The following ALPI variants were observed in gnomAD, a reference collection of about 807,000 sequenced individuals.
The protein encoded by ALPI is intestinal-type alkaline phosphatase.
ALPI carries 50 observed loss-of-function variants against 51.5 expected under a neutral mutation model. That is an observed-to-expected ratio of 0.97 (90% CI 0.77 to 1.23). The LOEUF (loss-of-function observed/expected upper bound fraction) is 1.23, where lower values mean the gene tolerates loss of function less well. ALPI is among the 50% of genes most tolerant of loss of function. ALPI has a pLI of 0.00. For synonymous variants in ALPI, 322 were observed against 308.2 expected (o/e 1.04, Z -0.47); for missense variants, 692 against 722.4 (o/e 0.96, Z 0.48).
chr2:232,457,220 A>G lies in ALPI; in HGVS notation c.546A>G (p.Thr182=), dbSNP rs1429986640. ...CGCCAGCCGGCACCTACGCACACAC[A>G]GTGAACCGCAACTGGTACTCAGATG... ...HASPAGTYAH[T]VNRNWYSDAD... The change falls in exon 5 of 11, where the codon ACA becomes ACG. Residue 182 remains threonine, a synonymous_variant. Transcript: ENST00000295463. The surrounding 1 kb of genome is among the most constrained non-coding windows in gnomAD (Gnocchi z 4.7). The G allele has an allele frequency of 1.2e-6, 2 of 1,613,416 alleles. No homozygotes were observed. The highest frequency in any genetic ancestry group is 2.7e-5 in the African/African-American group (2 of 74,944).
chr2:232,457,729 C>CGGCAGGG lies in ALPI; in HGVS notation c.783+33_783+39dup. 1 of 1,610,068 alleles carries CGGCAGGG rather than the reference C, an allele frequency of 6.2e-7. No individual in the cohort carries two copies. Among genetic ancestry groups the CGGCAGGG allele is most frequent in the Non-Finnish European group, 8.5e-7 (1 of 1,177,482 alleles). ...TGGGGGCTGGTGGGTGTGGGAGGCA[C>CGGCAGGG]GGCAGGGGGAGGCCAAGTGTGTGGG... is the stretch of plus-strand genomic sequence containing the variant. On this transcript the variant is annotated intron_variant, in intron 6 of 10. Transcript: ENST00000295463. The surrounding 1 kb of genome is among the most constrained non-coding windows in gnomAD (Gnocchi z 4.7).
In ALPI at chr2:232,458,939, G is replaced by C. The variant is rs1051315862; in HGVS notation, c.1380G>C (p.Ala460=). The C allele has an allele frequency of 1.9e-6, 3 of 1,604,908 alleles. No individual in the cohort carries two copies. Among genetic ancestry groups the C allele is most frequent in the African/African-American group, 2.7e-5 (2 of 74,688 alleles). The change falls in exon 11 of 11, where the codon GCG becomes GCC. Residue 460 remains alanine (A), a synonymous_variant. Transcript: ENST00000295463. ...THGGEDVAVF[A]RGPQAHLVHG... is the part of the protein sequence containing the mutation. ...GAGGCGAAGACGTGGCGGTGTTTGC[G>C]CGCGGCCCGCAGGCGCACCTGGTGC...
chr2:232,458,873 C>T lies in ALPI; in HGVS notation c.1314C>T (p.Tyr438=). The T allele has an allele frequency of 6.2e-7, 1 of 1,610,428 alleles. No individual in the cohort carries two copies. The highest frequency in any genetic ancestry group is 8.5e-7 in the Non-Finnish European group (1 of 1,178,884). ...CCCTCCTACCAGGGAGCCCCGATTA[C>T]CAGCAGCAGGCGGCGGTGCCCCTGT... The part of the protein sequence containing the change: ...VNESESGSPD[Y]QQQAAVPLSS... Residue 438 remains tyrosine (Y), a synonymous_variant, in exon 11 of 11, where the codon TAC becomes TAT. Transcript: ENST00000295463.
Position 232,456,735 on chromosome 2 carries a change from G to T in ALPI, c.300+40G>T. 6.4e-7 allele frequency: 1 copy of T among 1,562,616 alleles called. No homozygotes were observed. ...ACCTCAGAGTCCTCCAAGCAGAGGA[G>T]AGGGATCAAGGATATGGAGTGTGGC... On this transcript the variant is annotated intron_variant, in intron 3 of 10. Transcript: ENST00000295463. The surrounding 1 kb of genome is among the most constrained non-coding windows in gnomAD (Gnocchi z 4.2).
rs61736995 is a variant in ALPI, at chr2:232,456,257, G to T, written c.58G>T (p.Val20Phe). 3.1e-6 allele frequency: 5 copies of T among 1,613,978 alleles called. No individual in the cohort carries two copies. Among genetic ancestry groups the T allele is most frequent in the Middle Eastern group, 1.7e-4 (1 of 6,036 alleles). The change falls in exon 1 of 11, where the codon GTC becomes TTC. Residue 20 changes from valine (V) to phenylalanine (F), a missense_variant. Val to Phe is a conservative substitution (Grantham distance 50). Transcript: ENST00000295463. The surrounding 1 kb of genome is among the most constrained non-coding windows in gnomAD (Gnocchi z 4.2). ...LGLRLQLSLG[V>F]IPAEEENPAF... ...CCTGAGGCTACAGCTCTCCCTGGGC[G>T]TCATCCCAGGTAATGAGGCTCCCCA...
In ALPI at chr2:232,458,056, C is replaced by A. The variant is rs1196107154; in HGVS notation, c.915C>A (p.Pro305=). ...YEIHRDPTLD[P]SLMEMTEAAL... ...TCCACCGAGACCCCACACTGGACCC[C>A]TCCCTGATGGAGATGACAGAGGCTG... Residue 305 remains proline (P), a synonymous_variant, in exon 8 of 11, where the codon CCC becomes CCA. Transcript: ENST00000295463. 3 of 1,613,954 alleles carry A rather than the reference C, an allele frequency of 1.9e-6. No homozygotes were observed. The highest frequency in any genetic ancestry group is 1.7e-5 in the Admixed American group (1 of 60,004).
At position 232,459,025 on chromosome 2, in the gene ALPI, C is replaced by T. The variant is rs541680443; in HGVS notation, c.1466C>T (p.Pro489Leu). 1.9e-6 allele frequency: 3 copies of T among 1,558,772 alleles called. No individual in the cohort carries two copies. Among genetic ancestry groups the T allele is most frequent in the Non-Finnish European group, 2.6e-6 (3 of 1,151,908 alleles). ...HVMAFAACLE[P>L]YTACDLAPPA... is the part of the protein sequence containing the mutation. ...ATGGCCTTCGCTGCCTGTCTGGAGC[C>T]CTACACGGCCTGCGACCTGGCGCCT... The change falls in exon 11 of 11, where the codon CCC becomes CTC. Residue 489 changes from proline (P) to leucine (L), a missense_variant. Pro to Leu is a moderately conservative substitution (Grantham distance 98). Transcript: ENST00000295463.
Position 232,459,137 on chromosome 2 carries a change from T to C in ALPI, c.1578T>C (p.Ala526=). The C allele has an allele frequency of 6.5e-7, 1 of 1,532,014 alleles. No individual in the cohort carries two copies. The highest frequency in any genetic ancestry group is 2.4e-5 in the East Asian group (1 of 40,842). 94.9% of individuals were successfully genotyped at this position (1,532,014 alleles called of 1,614,324 possible). A position where few individuals can be genotyped will look rare whatever the true frequency, so the allele number is the denominator to read the frequency against. Residue 526 remains alanine (A), a synonymous_variant, in exon 11 of 11, where the codon GCT becomes GCC. Transcript: ENST00000295463. ...CCCTGCTGCTGCTGGGGGCGTCCGC[T>C]GCTCCCTGAGTGCCCCACTCCGGAG... ...AGTLLLLGAS[A]AP
chr2:232,459,294 C>A lies in ALPI; in HGVS notation c.*148C>A. On this transcript the variant is annotated 3_prime_UTR_variant, in exon 11 of 11. Coordinates refer to ENST00000295463, the MANE Select transcript of ALPI (RefSeq NM_001631.5). ...GATAAACCAGCCTCAGCTGGCGCAG[C>A]GGGGCCCTTCTTCCCTCCGCATCCC... 1 of 1,144,774 alleles carries A rather than the reference C, an allele frequency of 8.7e-7. No individual in the cohort carries two copies. Among genetic ancestry groups the A allele is most frequent in the Non-Finnish European group, 1.2e-6 (1 of 835,294 alleles). 70.9% of individuals were successfully genotyped at this position (1,144,774 alleles called of 1,614,324 possible). A position where few individuals can be genotyped will look rare whatever the true frequency, so the allele number is the denominator to read the frequency against.
chr2:232,456,278 C>A lies in ALPI; in HGVS notation c.67+12C>A, dbSNP rs1403022350. 1 of 1,614,088 alleles carries A rather than the reference C, an allele frequency of 6.2e-7. No homozygotes were observed. The highest frequency in any genetic ancestry group is 2.2e-5 in the East Asian group (1 of 44,858). ...GGGCGTCATCCCAGGTAATGAGGCT[C>A]CCCAAGCTGTTCCACACACAGGGCA... is the stretch of plus-strand genomic sequence containing the variant. On this transcript the variant is annotated intron_variant, in intron 1 of 10. Coordinates refer to ENST00000295463, the MANE Select transcript of ALPI (RefSeq NM_001631.5). The surrounding 1 kb of genome is among the most constrained non-coding windows in gnomAD (Gnocchi z 4.2).
rs1400988473 is a variant in ALPI at position 232,460,093 on chromosome 2, G to GATACTGGATACTGGAGATAAC, written c.*947_*948insATACTGGATACTGGAGATAAC. The GATACTGGATACTGGAGATAAC allele has an allele frequency of 6.6e-6, 1 of 152,426 alleles. No homozygotes were observed. The highest frequency in any genetic ancestry group is 3.1e-3 in the Middle Eastern group (1 of 318). 9.4% of individuals were successfully genotyped at this position (152,426 alleles called of 1,614,324 possible). ...GAGTGTGGGCACAGTATCTGGAGAG[G>GATACTGGATACTGGAGATAAC]TGGATAACGCAGGCCAGGAGGTACT... is the stretch of plus-strand genomic sequence containing the variant. On this transcript the variant is annotated 3_prime_UTR_variant, in exon 11 of 11. Transcript: ENST00000295463.
chr2:232,457,654 G>A lies in ALPI; in HGVS notation c.738G>A (p.Arg246=). The A allele has an allele frequency of 6.2e-7, 1 of 1,614,002 alleles. No homozygotes were observed. The highest frequency in any genetic ancestry group is 8.5e-7 in the Non-Finnish European group (1 of 1,179,900). ...YPADASQNGI[R]LDGKNLVQEW... ...CTGATGCCAGCCAGAATGGAATCAG[G>A]CTGGACGGGAAGAACCTGGTGCAGG... is the stretch of plus-strand genomic sequence containing the variant. Residue 246 remains arginine, a synonymous_variant, in exon 6 of 11, where the codon AGG becomes AGA. Transcript: ENST00000295463. The surrounding 1 kb of genome is among the most constrained non-coding windows in gnomAD (Gnocchi z 4.7).
intron 9 of ALPI, 25 bp from the exon 10 acceptor site, chr2:232,458,607 T>C (rs1376529384): frequency 1.9e-6 from 3 of 1,609,188 alleles, no homozygotes; most frequent in Admixed American, 1.7e-5. Context: ...TCAGCTCAAC[T>C]ACAGGGACCC....
chr2:232,457,557 G>A lies in ALPI; in HGVS notation c.649-8G>A. 2.5e-6 allele frequency: 4 copies of A among 1,603,810 alleles called. No homozygotes were observed. Among genetic ancestry groups the A allele is most frequent in the South Asian group, 1.1e-5 (1 of 88,892 alleles). ...CCCCAAACCACCTGCCCCATCCATTGTCCTCAGGTGATCCTTGGCGGAGGC... is the reference window on the plus strand; with the variant it reads ...CCCCAAACCACCTGCCCCATCCATTATCCTCAGGTGATCCTTGGCGGAGGC... On this transcript the variant is annotated splice_region_variant and splice_polypyrimidine_tract_variant and intron_variant, in intron 5 of 10. Transcript: ENST00000295463. The surrounding 1 kb of genome is among the most constrained non-coding windows in gnomAD (Gnocchi z 4.7).
Position 232,456,182 on chromosome 2 carries a change from T to C in ALPI, c.-18T>C. On this transcript the variant is annotated 5_prime_UTR_variant, in exon 1 of 11. Coordinates refer to ENST00000295463, the MANE Select transcript of ALPI (RefSeq NM_001631.5). The surrounding 1 kb of genome is among the most constrained non-coding windows in gnomAD (Gnocchi z 4.2). The stretch of plus-strand genomic sequence containing the variant: ...TCCTGGTGTCCCCACTTCGCCTCCC[T>C]CCTGCTGCCCCCAAGACATGCAGGG... 3 of 1,612,632 alleles carry C rather than the reference T, an allele frequency of 1.9e-6. No individual in the cohort carries two copies. Among genetic ancestry groups the C allele is most frequent in the Non-Finnish European group, 2.5e-6 (3 of 1,179,848 alleles).
In ALPI at chr2:232,457,021, C is replaced by A. The variant is rs779375665; in HGVS notation, c.423C>A (p.Asn141Lys). The part of the protein sequence containing the change: ...LSAAARFNQC[N>K]TTRGNEVISV... ...CAGCCGCCCGCTTTAACCAGTGCAA[C>A]ACGACACGCGGCAATGAGGTCATCT... The change falls in exon 4 of 11, where the codon AAC becomes AAA. Residue 141 changes from asparagine to lysine, a missense_variant. Transcript: ENST00000295463. The surrounding 1 kb of genome is among the most constrained non-coding windows in gnomAD (Gnocchi z 4.7). 1.2e-6 allele frequency: 2 copies of A among 1,613,640 alleles called. No individual in the cohort carries two copies. The highest frequency in any genetic ancestry group is 1.7e-6 in the Non-Finnish European group (2 of 1,180,030).
intron 9 of ALPI, 64 bp from the exon 10 acceptor site, chr2:232,458,568 G>A: frequency 6.4e-7 from 1 of 1,561,246 alleles, no homozygotes; most frequent in Non-Finnish European, 8.8e-7. Flanking sequence ...GCGGTGCCTG[G>A]CACATAGGAG....
Position 232,456,357 on chromosome 2 carries a change from G to A in ALPI, c.76G>A (p.Glu26Lys). 6.2e-7 allele frequency: 1 copy of A among 1,614,028 alleles called. No individual in the cohort carries two copies. Among genetic ancestry groups the A allele is most frequent in the Non-Finnish European group, 8.5e-7 (1 of 1,179,990 alleles). Residue 26 changes from glutamate (E) to lysine (K), a missense_variant, in exon 2 of 11, where the codon GAG becomes AAG. By Grantham distance (56) the Glu-to-Lys change is moderately conservative (BLOSUM62 1). Coordinates refer to ENST00000295463, the MANE Select transcript of ALPI (RefSeq NM_001631.5). This position sits in a 1 kb window ranked among gnomAD's most constrained non-coding sequence, Gnocchi z 4.2. Reference protein sequence around the residue: ...LSLGVIPAEEENPAFWNRQAA... With the variant: ...LSLGVIPAEEKNPAFWNRQAA... ...ACTCTCCCCCTGGCCAGCTGAGGAG[G>A]AGAACCCGGCCTTCTGGAACCGCCA... is the stretch of plus-strand genomic sequence containing the variant.
chr2:232,458,320 C>A lies in ALPI; in HGVS notation c.1095C>A (p.Ser365Arg). 2 of 1,614,162 alleles carry A rather than the reference C, an allele frequency of 1.2e-6. No homozygotes were observed. Among genetic ancestry groups the A allele is most frequent in the South Asian group, 1.1e-5 (1 of 91,084 alleles). Residue 365 changes from serine (S) to arginine (R), a missense_variant, in exon 9 of 11, where the codon AGC becomes AGA. Physicochemically the swap from Ser to Arg is moderately radical, Grantham distance 110. Coordinates refer to ENST00000295463, the MANE Select transcript of ALPI (RefSeq NM_001631.5). ...DAIERAGQLT[S>R]EEDTLTLVTA... ...TTGAGAGGGCGGGCCAGCTCACCAG[C>A]GAGGAGGACACGCTGACCCTCGTCA...
Sources: gnomAD v4.1 joint callset for allele counts on GRCh38, gnomAD v4.1.1 for gene constraint, Gnocchi (gnomAD v3.1) non-coding constraint, MANE v1.5 for transcripts, NCBI Gene and HGNC (gene_info 2026-07-23, HGNC 2026-07-21) for gene names.